Variants in LAMA5 observed in about 807,000 individuals in gnomAD.
LAMA5 encodes laminin subunit alpha-5.
A neutral mutation model predicts 433.4 loss-of-function variants in LAMA5; 260 were observed. That is an observed-to-expected ratio of 0.60 (90% confidence interval 0.54 to 0.66). The LOEUF (loss-of-function observed/expected upper bound fraction) is 0.66, where lower values mean the gene tolerates loss of function less well. LAMA5 is among the 30% of genes least tolerant of loss of function. The pLI, the probability that LAMA5 is intolerant of heterozygous loss-of-function variation, is 0.00. For synonymous variants in LAMA5, 2,620 were observed against 2,226.6 expected, an observed-to-expected ratio of 1.18 and a Z score of -4.97; for missense variants, 5,378 against 5,258.5, an observed-to-expected ratio of 1.02 and a Z score of -0.70.
chr20:62,310,308 A>G lies in LAMA5; in HGVS notation c.10604T>C (p.Leu3535Pro), dbSNP rs199954214. ...PGSGGVITLD[L>P]PGATLPDVGL... ...CACATCAGGCAGTGTAGCTCCTGGGAGGTCTGCGGGGAGGGGTTGTGATGG... is the reference window on the plus strand; with the variant it reads ...CACATCAGGCAGTGTAGCTCCTGGGGGGTCTGCGGGGAGGGGTTGTGATGG... The change falls in exon 77 of 80, where the codon CTC (leucine) becomes CCC (proline). Residue 3535 changes from leucine to proline, a missense_variant. Physicochemically the swap from Leu to Pro is moderately conservative, Grantham distance 98 (BLOSUM62 -3). Coordinates refer to ENST00000252999, the MANE Select transcript of LAMA5 (RefSeq NM_005560.6). 2 of 1,601,704 alleles carry G rather than the reference A, an allele frequency of 1.2e-6. No individual in the cohort carries two copies. The highest frequency in any genetic ancestry group is 2.7e-5 in the African/African-American group (2 of 74,772).
At position 62,317,774 on chromosome 20, in the gene LAMA5, C is replaced by A. The variant is rs763353096; in HGVS notation, c.7244G>T (p.Arg2415Met). 1 of 1,594,882 alleles carries A rather than the reference C, an allele frequency of 6.3e-7. No individual in the cohort carries two copies. Among genetic ancestry groups the A allele is most frequent in the Admixed American group, 1.7e-5 (1 of 57,682 alleles). ...NQERLEEALQ[R>M]KQELSRDNAT... ...ATTGTCCCGGGACAGCTCCTGCTTC[C>A]TTTGCTGAAGGCAATGCAGGGGAGT... Residue 2415 changes from arginine (R) to methionine (M), a missense_variant, in exon 54 of 80, where the codon AGG becomes ATG. Physicochemically the swap from Arg to Met is moderately conservative, Grantham distance 91. Transcript: ENST00000252999.
chr20:62,334,071 C>T, intron 22 of LAMA5, 32 bp from the exon 23 acceptor site: 1 of 1,600,058 alleles, frequency 6.2e-7, no homozygotes, highest in East Asian at 2.2e-5. Flanking sequence ...GGTCACTCTC[C>T]CTGACCACTG....
chr20:62,335,249 C>A lies in LAMA5; in HGVS notation c.2344G>T (p.Gly782Cys). Residue 782 changes from glycine (G) to cysteine (C), a missense_variant, in exon 19 of 80, where the codon GGC (glycine) becomes TGC (cysteine). By Grantham distance (159) the Gly-to-Cys change is radical. Coordinates refer to ENST00000252999, the MANE Select transcript of LAMA5 (RefSeq NM_005560.6). ...GCTRCSCDLR[G>C]TLGGVAECQP... ...CACTCAGCAACTCCACCCAGTGTGC[C>A]CCTGAGGTCGCAGCTGCAGCCTGGG... 6.2e-7 allele frequency: 1 copy of A among 1,612,506 alleles called. No homozygotes were observed. The highest frequency in any genetic ancestry group is 1.1e-5 in the South Asian group (1 of 91,066).
At chr20:62,365,057 G>A (rs1253183734) in intron 1 of LAMA5, among the ~76,000 whole-genome samples, 1 of 152,280 alleles carries the variant, frequency 6.6e-6, no homozygotes, top group Non-Finnish European at 1.5e-5. Context: ...GGCATCCAAG[G>A]TCATACCCGT....
Position 62,309,458 on chromosome 20 carries a change from G to T in LAMA5, c.10966C>A (p.Pro3656Thr). 1 of 1,583,132 alleles carries T rather than the reference G, an allele frequency of 6.3e-7. No individual in the cohort carries two copies. The highest frequency in any genetic ancestry group is 8.5e-7 in the Non-Finnish European group (1 of 1,174,272). ...GGLPEPMAVQ[P>T]WPPAYCGCMR... ...CAGCCGCAGTAGGCGGGGGGCCAGG[G>T]CTGCACGGCCATGGGCTCTGGGGGC... The change falls in exon 80 of 80, where the codon CCC becomes ACC. Residue 3656 changes from proline to threonine, a missense_variant. By Grantham distance (38) the Pro-to-Thr change is conservative (BLOSUM62 -1). Coordinates refer to ENST00000252999, the MANE Select transcript of LAMA5 (RefSeq NM_005560.6).
chr20:62,324,572 C>A lies in LAMA5; in HGVS notation c.5530-18G>T. ...GCACATTCCTGAGGGTGTACGGGGG[C>A]AGGTGGCATCAGCGATTGAGAGGAC... On this transcript the variant is annotated intron_variant, in intron 41 of 79. Coordinates refer to ENST00000252999, the MANE Select transcript of LAMA5 (RefSeq NM_005560.6). This position sits in a 1 kb window ranked among gnomAD's most constrained non-coding sequence, Gnocchi z 4.4. 1 of 1,568,384 alleles carries A rather than the reference C, an allele frequency of 6.4e-7. No individual in the cohort carries two copies. Among genetic ancestry groups the A allele is most frequent in the South Asian group, 1.1e-5 (1 of 88,848 alleles).
In LAMA5 at chr20:62,320,814, T is replaced by C. The variant is rs1987620007; in HGVS notation, c.6573A>G (p.Gln2191=). Residue 2191 remains glutamine (Q), a synonymous_variant, in exon 49 of 80, where the codon CAA becomes CAG. Coordinates refer to ENST00000252999, the MANE Select transcript of LAMA5 (RefSeq NM_005560.6). ...AGALLPAIHE[Q]LRGINASSMA... ...TGGAGCTGGCATTGATGCCACGCAGTTGCTCGTGAATGGCGGGGAGGAGGG... is the reference window on the plus strand; with the variant it reads ...TGGAGCTGGCATTGATGCCACGCAGCTGCTCGTGAATGGCGGGGAGGAGGG... The C allele has an allele frequency of 1.2e-6, 2 of 1,612,670 alleles. No homozygotes were observed. Among genetic ancestry groups the C allele is most frequent in the Non-Finnish European group, 8.5e-7 (1 of 1,179,902 alleles).
intron 53 of LAMA5, 94 bp downstream of exon 53, chr20:62,318,349 GGAGGGGAGGAC>G (rs1435994979): frequency 1.1e-4 from 60 of 567,078 alleles, no homozygotes; most frequent in African/African-American, 7.8e-4. Context: ...GAGGACGGAG[GGAGGGGAGGAC>G]GAGGGGAGGG....
In LAMA5 at chr20:62,322,718, G is replaced by A. The variant is rs1243744711; in HGVS notation, c.6105C>T (p.Pro2035=). The change falls in exon 46 of 80, where the codon CCC becomes CCT. Residue 2035 remains proline (P), a synonymous_variant. Transcript: ENST00000252999. ...CCTTGCACAGGCAGTGCCCGCTGTG[G>A]GGGTCGCAGGCCTCTGTCCCACATG... ...CTPCGTEACD[P]HSGHCLCKAG... is the part of the protein sequence containing the mutation. 1.9e-6 allele frequency: 3 copies of A among 1,538,636 alleles called. No individual in the cohort carries two copies. In the South Asian group the frequency reaches 3.7e-5, roughly 19 times the overall value.
rs377393059 is a variant in LAMA5 at position 62,332,565 on chromosome 20, G to A, written c.3435C>T (p.Cys1145=). 1.1e-5 allele frequency: 17 copies of A among 1,594,388 alleles called. No individual in the cohort carries two copies. In the African/African-American group the frequency reaches 1.9e-4, roughly 18 times the overall value. Residue 1145 remains cysteine (C), a synonymous_variant, in exon 27 of 80, where the codon TGC becomes TGT. Coordinates refer to ENST00000252999, the MANE Select transcript of LAMA5 (RefSeq NM_005560.6). ...PQQGLLSLHP[C]LYSTLCRGTA... ...CACCGGCTCCCACTCACCTGTACAG[G>A]CAGGGGTGCAGGGAGAGCAGCCCCT...
intron 37 of LAMA5, 29 bp downstream of exon 37, chr20:62,327,500 A>G (rs773451420): frequency 6.2e-7 from 1 of 1,611,692 alleles, no homozygotes. Flanking sequence ...CTCCCCGAGA[A>G]GGCAATGCCC....
chr20:62,344,326 A>C (rs1366112395), intron 11 of LAMA5, among the ~76,000 whole-genome samples: 1 of 152,002 alleles, frequency 6.6e-6, no homozygotes, highest in Non-Finnish European at 1.5e-5. Flanking sequence ...AAGCAAGGGA[A>C]CATGGCTCTG....
Position 62,333,182 on chromosome 20 carries a change from G to T in LAMA5, c.3190C>A (p.Leu1064Met), listed in dbSNP as rs1263829395. 6.6e-7 allele frequency: 1 copy of T among 1,521,462 alleles called. No individual in the cohort carries two copies. The highest frequency in any genetic ancestry group is 2.3e-5 in the East Asian group (1 of 44,046). 94.2% of individuals were successfully genotyped at this position (1,521,462 alleles called of 1,614,324 possible). Residue 1064 changes from leucine to methionine, a missense_variant, in exon 26 of 80, where the codon CTG becomes ATG. Leu to Met is a conservative substitution (Grantham distance 15, BLOSUM62 2). Coordinates refer to ENST00000252999, the MANE Select transcript of LAMA5 (RefSeq NM_005560.6). ...GGCAGGCTGTTGTCCTGGCGACACA[G>T]GGCCTCCAGCCCGGCGGCCGAGGGG... ...GFPSAAGLEA[L>M]CRQDNSLPRP... is the part of the protein sequence containing the mutation.
rs1981999374 is a variant in LAMA5, at chr20:62,338,163, GCGGGTGTCA to G, written c.1757-22_1757-14del. 1 of 1,572,272 alleles carries G rather than the reference GCGGGTGTCA, an allele frequency of 6.4e-7. No homozygotes were observed. The highest frequency in any genetic ancestry group is 8.6e-7 in the Non-Finnish European group (1 of 1,156,200). On this transcript the variant is annotated splice_polypyrimidine_tract_variant and intron_variant, in intron 13 of 79. Transcript: ENST00000252999. ...CTGCAGCCACACACTGCAGAGCGGAGCGGGTGTCACGGTAGGCCAGGCCCACGGGCCTCC... is the reference window on the plus strand; with the variant it reads ...CTGCAGCCACACACTGCAGAGCGGAGCGGTAGGCCAGGCCCACGGGCCTCC...
In LAMA5 at chr20:62,310,492, C is replaced by A. The variant is rs1468957996; in HGVS notation, c.10527G>T (p.Gly3509=). The A allele has an allele frequency of 5.1e-6, 8 of 1,570,814 alleles. No individual in the cohort carries two copies. The South Asian group carries it at 8.4e-5, about 16-fold the overall frequency. ...GGGGGCCCAAGATGCAGGGTGTGAC[C>A]CCTGCCATCCGTGTGGGGGCCCCCA... is the stretch of plus-strand genomic sequence containing the variant. ...RPLGAPTRMA[G]VTPCILGPLE... is the part of the protein sequence containing the mutation. The change falls in exon 76 of 80, where the codon GGG becomes GGT. Residue 3509 remains glycine (G), a synonymous_variant. Coordinates refer to ENST00000252999, the MANE Select transcript of LAMA5 (RefSeq NM_005560.6).
Position 62,346,766 on chromosome 20 carries a change from G to GTAAC in LAMA5, c.1103_1106dup (p.Tyr369Ter), listed in dbSNP as rs1345917834. On this transcript the variant is annotated stop_gained and frameshift_variant, in exon 8 of 80. Transcript: ENST00000252999. LOFTEE classifies it high-confidence loss of function. Reference sequence around the variant, plus strand: ...GGCGCCGGTCCACCTCAGGGTCGTAGTAACAGTCGGTGGCATGGCCGTAGC... The same window carrying GTAAC: ...GGCGCCGGTCCACCTCAGGGTCGTAGTAACTAACAGTCGGTGGCATGGCCGTAGC... The GTAAC allele has an allele frequency of 6.2e-7, 1 of 1,612,622 alleles. No homozygotes were observed. The highest frequency in any genetic ancestry group is 8.5e-7 in the Non-Finnish European group (1 of 1,179,754).
At chr20:62,322,548 GCT>G in intron 46 of LAMA5, 99 bp from the exon 47 acceptor site, 2 of 1,440,358 alleles carry the variant, frequency 1.4e-6, no homozygotes, top group South Asian at 2.5e-5. Flanking sequence ...ACCCCCTGAG[GCT>G]CTGCCCATCA....
intron 11 of LAMA5, among the ~76,000 whole-genome samples, chr20:62,341,297 A>C (rs1281624950): frequency 6.6e-6 from 1 of 152,186 alleles, no homozygotes; most frequent in African/African-American, 2.4e-5. Context: ...TATTTAAAAA[A>C]AACACAGCAA....
intron 2 of LAMA5, among the ~76,000 whole-genome samples, chr20:62,357,005 C>CTGG (rs1364747743): frequency 6.6e-6 from 1 of 152,212 alleles, no homozygotes; most frequent in Non-Finnish European, 1.5e-5. Context: ...CAGAGAAACT[C>CTGG]TGGTGGGGCT....
Sources: allele counts gnomAD v4.1 joint callset (sites outside exome capture counted in the v4.1 genomes callset), GRCh38; gene constraint gnomAD v4.1.1; non-coding constraint Gnocchi (gnomAD v3.1); transcripts MANE v1.5; gene names NCBI Gene and HGNC (gene_info 2026-07-23, HGNC 2026-07-21).